The following FTO variants were observed in gnomAD, a reference collection of about 807,000 sequenced individuals.
The protein encoded by FTO is FTO alpha-ketoglutarate dependent dioxygenase.
FTO carries 47 observed loss-of-function variants against 63.9 expected under a neutral mutation model. The ratio of observed to expected loss-of-function variants is 0.74; its 90% confidence interval spans 0.58 to 0.94. The LOEUF (loss-of-function observed/expected upper bound fraction) is 0.94. Among genes scored for constraint, FTO ranks in the 40% least tolerant of loss-of-function variants. The probability of loss-of-function intolerance (pLI) is 0.00; values close to 1 mark genes in which losing one functional copy is unlikely to be tolerated. For synonymous variants in FTO, 207 were observed against 224.4 expected (o/e 0.92, Z 0.69); for missense variants, 562 against 618.1 (o/e 0.91, Z 0.96).
At chr16:54,091,845 C>T (rs1376143255) in intron 8 of FTO, among the ~76,000 whole-genome samples, 3 of 152,216 alleles carry the variant, frequency 2.0e-5, no homozygotes, top group Non-Finnish European at 2.9e-5. Flanking sequence ...TCACTGTTTG[C>T]ATCTGTAAGG....
chr16:53,905,078 T>C (rs2081503124), intron 7 of FTO, among the ~76,000 whole-genome samples: 1 of 152,010 alleles, frequency 6.6e-6, no homozygotes, highest in African/African-American at 2.4e-5. Context: ...CTTACTATAT[T>C]TGAGTGGGTG....
At chr16:53,987,672 C>G (rs2083704980) in intron 8 of FTO, among the ~76,000 whole-genome samples, 1 of 152,014 alleles carries the variant, frequency 6.6e-6, no homozygotes, top group Non-Finnish European at 1.5e-5. Context: ...CACCCATCCT[C>G]CCATCATAAA....
rs1364202784 is a variant in FTO at position 53,735,637 on chromosome 16, C to T, written c.45+31408C>T. 4.6e-5 allele frequency among the ~76,000 whole-genome samples: 7 copies of T among 152,176 alleles called. No individual in the cohort carries two copies. In the East Asian group the frequency reaches 7.7e-4, roughly 17 times the overall value. On this transcript the variant is annotated intron_variant, in intron 1 of 8. Transcript: ENST00000471389. ...CAACTTGAGAATTTTATGTGCTTCA[C>T]GGAGTGAGTAATTCCAGCAGCAGCT...
At chr16:53,790,910 A>G (rs1307582387) in intron 1 of FTO, among the ~76,000 whole-genome samples, 5 of 152,202 alleles carry the variant, frequency 3.3e-5, no homozygotes. Context: ...GAAAGGATGC[A>G]GATAGTGTCT....
At chr16:54,022,918 C>T (rs1217970897) in intron 8 of FTO, among the ~76,000 whole-genome samples, 7 of 152,174 alleles carry the variant, frequency 4.6e-5, no homozygotes, top group South Asian at 2.1e-4. Flanking sequence ...GCTGTATACA[C>T]GGGAGCTAAC....
intron 8 of FTO, among the ~76,000 whole-genome samples, chr16:53,958,918 A>G (rs1036462648): frequency 1.3e-5 from 2 of 152,198 alleles, no homozygotes; most frequent in Non-Finnish European, 2.9e-5. Flanking sequence ...CTCTGCCCTC[A>G]GGAAGCTTAA....
chr16:53,822,192 C>T (rs75929173), intron 2 of FTO, among the ~76,000 whole-genome samples: 1,755 of 152,296 alleles, frequency 0.012, 14 homozygotes, highest in Non-Finnish European at 0.019. Context: ...TAGTGATTCA[C>T]CTTAACTTCA....
intron 8 of FTO, among the ~76,000 whole-genome samples, chr16:54,108,957 A>G (rs757387110): frequency 1.2e-4 from 19 of 152,058 alleles, no homozygotes; most frequent in Admixed American, 7.2e-4. Flanking sequence ...AAGAAATGAA[A>G]CCCTAAAGGG....
At chr16:53,873,492 AT>A (rs1230775947) in intron 4 of FTO, among the ~76,000 whole-genome samples, 11 of 149,384 alleles carry the variant, frequency 7.4e-5, no homozygotes, top group African/African-American at 2.7e-4. Context: ...GTATAAGTAT[AT>A]ATAAGTATAT....
At chr16:53,897,673 A>G (rs895450168) in intron 7 of FTO, among the ~76,000 whole-genome samples, 2 of 152,166 alleles carry the variant, frequency 1.3e-5, no homozygotes, top group African/African-American at 4.8e-5. Context: ...GCATATACCA[A>G]TGCTTGTAAT....
Position 53,826,203 on chromosome 16 carries a change from G to A in FTO, c.463G>A (p.Glu155Lys). 6.2e-7 allele frequency: 1 copy of A among 1,614,176 alleles called. No homozygotes were observed. The highest frequency in any genetic ancestry group is 8.5e-7 in the Non-Finnish European group (1 of 1,180,040). Residue 155 changes from glutamate (E) to lysine (K), a missense_variant, in exon 3 of 9, where the codon GAA (glutamate) becomes AAA (lysine). Transcript: ENST00000471389. ...YLQIETIQALEELAAKEKANE... is the reference protein window; with the variant it reads ...YLQIETIQALKELAAKEKANE... Reference sequence around the variant, plus strand: ...GCAGATAGAAACCATCCAGGCTTTGGAAGAACTTGCTGCCAAAGAGAAGGC... The same window carrying A: ...GCAGATAGAAACCATCCAGGCTTTGAAAGAACTTGCTGCCAAAGAGAAGGC...
Position 54,114,467 on chromosome 16 carries a change from A to G in FTO, c.*2552A>G, listed in dbSNP as rs1257197345. 1 of 152,142 alleles carries G rather than the reference A, an allele frequency of 6.6e-6. No homozygotes were observed. The highest frequency in any genetic ancestry group is 6.5e-5 in the Admixed American group (1 of 15,280). 9.4% of individuals were successfully genotyped at this position (152,142 alleles called of 1,614,324 possible). Reference sequence around the variant, plus strand: ...ATTAAAAGGATGAGATAAGAAACCGAGAGATTTTGCTGTTTTTTTCCTTTT... The same window carrying G: ...ATTAAAAGGATGAGATAAGAAACCGGGAGATTTTGCTGTTTTTTTCCTTTT... On this transcript the variant is annotated 3_prime_UTR_variant, in exon 9 of 9. Transcript: ENST00000471389.
At chr16:53,977,963 A>G (rs2083464725) in intron 8 of FTO, among the ~76,000 whole-genome samples, 1 of 152,124 alleles carries the variant, frequency 6.6e-6, no homozygotes, top group South Asian at 2.1e-4. Context: ...GGCTCAGAGG[A>G]TCCTCCTACC....
chr16:53,771,429 A>G (rs2077337288), intron 1 of FTO, among the ~76,000 whole-genome samples: 1 of 151,758 alleles, frequency 6.6e-6, no homozygotes, highest in Non-Finnish European at 1.5e-5. Context: ...CACTAGCATC[A>G]CTCTCCTGGA....
rs2083905613 is a variant in FTO, at chr16:53,995,161, C to T, written c.1364+61052C>T. Among the ~76,000 whole-genome samples, 4 of 152,304 alleles carry T rather than the reference C, an allele frequency of 2.6e-5. No homozygotes were observed. In the South Asian group the frequency reaches 8.3e-4, roughly 32 times the overall value. On this transcript the variant is annotated intron_variant, in intron 8 of 8. Transcript: ENST00000471389. ...CACTGTCTCCAGATCTTCAGCATTG[C>T]AGTTATCATGTTAAACTTAGCTATT...
chr16:53,785,180 G>A (rs2077701907), intron 1 of FTO, among the ~76,000 whole-genome samples: 1 of 152,146 alleles, frequency 6.6e-6, no homozygotes, highest in Non-Finnish European at 1.5e-5. Flanking sequence ...TAAAACCTAA[G>A]GCTCACATCA....
chr16:53,952,307 T>A (rs185909629), intron 8 of FTO, among the ~76,000 whole-genome samples: 1 of 152,028 alleles, frequency 6.6e-6, no homozygotes, highest in Admixed American at 6.6e-5. Flanking sequence ...AATATTATTC[T>A]CTCTCTGTTC....
chr16:53,820,194 A>AAAACCC (rs2078819293), intron 2 of FTO, among the ~76,000 whole-genome samples: 1 of 151,718 alleles, frequency 6.6e-6, no homozygotes, highest in Non-Finnish European at 1.5e-5. Context: ...TTTTTAGTAG[A>AAAACCC]AACAGGGTTT....
At chr16:53,942,689 G>A (rs2082558704) in intron 8 of FTO, among the ~76,000 whole-genome samples, 1 of 152,198 alleles carries the variant, frequency 6.6e-6, no homozygotes, top group Admixed American at 6.5e-5. Flanking sequence ...GATTCGGCAT[G>A]TGGACTAGAA....
Sources: allele counts gnomAD v4.1 joint callset (sites outside exome capture counted in the v4.1 genomes callset), GRCh38; gene constraint gnomAD v4.1.1; transcripts MANE v1.5; gene names NCBI Gene and HGNC (gene_info 2026-07-23, HGNC 2026-07-21).